CADM2: variants seen among roughly 807,000 people sequenced by gnomAD.
CADM2 encodes immunoglobulin superfamily member 4D.
A neutral mutation model predicts 49.8 loss-of-function variants in CADM2; 12 were observed. That is an observed-to-expected ratio of 0.24 (90% CI 0.15 to 0.39). The LOEUF (loss-of-function observed/expected upper bound fraction) is 0.39, where lower values mean the gene tolerates loss of function less well. Among genes scored for constraint, CADM2 ranks in the 10% least tolerant of loss-of-function variants. The pLI, the probability that CADM2 is intolerant of heterozygous loss-of-function variation, is 1.00. For synonymous variants in CADM2, 214 were observed against 175.4 expected (o/e 1.22, Z -1.74); for missense variants, 378 against 492.3 (o/e 0.77, Z 2.20).
chr3:85,872,007 A>C (rs2108355968), intron 3 of CADM2, among the ~76,000 whole-genome samples: 1 of 152,310 alleles, frequency 6.6e-6, no homozygotes, highest in South Asian at 2.1e-4. Context: ...CTGCATTGGA[A>C]GACTATTTTA....
At chr3:85,366,323 G>A (rs1008069322) in intron 1 of CADM2, among the ~76,000 whole-genome samples, 2 of 152,114 alleles carry the variant, frequency 1.3e-5, no homozygotes, top group African/African-American at 4.8e-5. Flanking sequence ...TAAATCTCTG[G>A]CCCATTACAC....
At chr3:85,224,892 T>C (rs1364412271) in intron 1 of CADM2, among the ~76,000 whole-genome samples, 2 of 152,132 alleles carry the variant, frequency 1.3e-5, no homozygotes, top group African/African-American at 4.8e-5. Context: ...GTCAGGTTTG[T>C]CAAAGATCAG....
intron 8 of CADM2, among the ~76,000 whole-genome samples, chr3:86,047,506 G>A (rs1314215529): frequency 3.3e-5 from 5 of 152,276 alleles, no homozygotes; most frequent in South Asian, 2.1e-4. Context: ...ATTTAGTCAT[G>A]ACCCTCTGGG....
intron 1 of CADM2, among the ~76,000 whole-genome samples, chr3:85,368,200 A>T (rs949543823): frequency 2.0e-5 from 3 of 152,038 alleles, no homozygotes; most frequent in African/African-American, 7.2e-5. Flanking sequence ...GCTCTGGATG[A>T]TACATCACTA....
intron 2 of CADM2, 102 bp from the exon 3 acceptor site, chr3:85,801,945 T>C (rs1327833068): frequency 4.1e-6 from 4 of 971,486 alleles, no homozygotes; most frequent in Non-Finnish European, 5.9e-6. Context: ...TTGGTTGTTT[T>C]AAATTTTATT....
At chr3:85,518,137 C>T (rs540161534) in intron 1 of CADM2, among the ~76,000 whole-genome samples, 226 of 152,156 alleles carry the variant, frequency 1.5e-3, no homozygotes, top group African/African-American at 4.4e-3. Context: ...ACTACAGGTG[C>T]GCACCACCAT....
Position 84,982,737 on chromosome 3 carries a change from A to ATATATATATATG in CADM2, c.61+23070_61+23071insATATATATATGT, listed in dbSNP as rs1553663805. Among the ~76,000 whole-genome samples, 21 of 115,362 alleles carry ATATATATATATG rather than the reference A, an allele frequency of 1.8e-4. 1 individual carries two copies. The highest frequency in any genetic ancestry group is 2.1e-4 in the African/African-American group (6 of 28,508). 75.7% of individuals were successfully genotyped at this position (115,362 alleles called of 152,430 possible). ...TATATATATATATATATATATATAC[A>ATATATATATATG]TTTTTTGTTTTTTTAATTTTTTTTT... On this transcript the variant is annotated intron_variant, in intron 1 of 9. Transcript: ENST00000383699.
At chr3:85,308,467 T>C (rs2044269119) in intron 1 of CADM2, among the ~76,000 whole-genome samples, 1 of 151,936 alleles carries the variant, frequency 6.6e-6, no homozygotes, top group South Asian at 2.1e-4. Context: ...CAGAGAGAGT[T>C]AAGGCACAAC....
At chr3:85,890,944 A>C (rs145524800) in intron 5 of CADM2, among the ~76,000 whole-genome samples, 7 of 152,330 alleles carry the variant, frequency 4.6e-5, no homozygotes, top group African/African-American at 1.7e-4. Context: ...ACAGAGAGGC[A>C]GGGTTCAGTT....
chr3:86,004,717 T>G (rs1021900688), intron 8 of CADM2, among the ~76,000 whole-genome samples: 1 of 152,250 alleles, frequency 6.6e-6, no homozygotes, highest in African/African-American at 2.4e-5. Context: ...CTTTTCTTCC[T>G]GATTCCATTT....
chr3:85,876,275 T>G (rs888011509), intron 3 of CADM2, among the ~76,000 whole-genome samples: 24 of 152,158 alleles, frequency 1.6e-4, no homozygotes, highest in African/African-American at 5.5e-4. Context: ...TAAAATATAA[T>G]GAATTATAAT....
chr3:85,303,012 T>C (rs1415541187), intron 1 of CADM2, among the ~76,000 whole-genome samples: 2 of 151,938 alleles, frequency 1.3e-5, no homozygotes, highest in Non-Finnish European at 2.9e-5. Flanking sequence ...TTTTTAAAAA[T>C]GCTCTTTCAT....
intron 1 of CADM2, among the ~76,000 whole-genome samples, chr3:85,378,163 G>C (rs1025565676): frequency 6.6e-6 from 1 of 151,826 alleles, no homozygotes; most frequent in Non-Finnish European, 1.5e-5. Flanking sequence ...AATTTGAATG[G>C]TTTTCTTTTG....
chr3:85,762,326 G>GTTTGTTTGTTCA (rs1174562195), intron 2 of CADM2, among the ~76,000 whole-genome samples: 2 of 151,746 alleles, frequency 1.3e-5, no homozygotes, highest in East Asian at 3.9e-4. Flanking sequence ...CTCCCAGTTT[G>GTTTGTTTGTTCA]TTTGTTTGTT....
chr3:85,845,286 C>G (rs2074831197), intron 3 of CADM2, among the ~76,000 whole-genome samples: 2 of 152,132 alleles, frequency 1.3e-5, no homozygotes, highest in Admixed American at 1.3e-4. Flanking sequence ...TAGCCCGGGC[C>G]AGTCACAAGA....
chr3:85,030,042 C>A (rs2034909188), intron 1 of CADM2, among the ~76,000 whole-genome samples: 1 of 152,142 alleles, frequency 6.6e-6, no homozygotes, highest in South Asian at 2.1e-4. Flanking sequence ...TTTCTCACTT[C>A]CTCTGCTCCA....
chr3:85,080,885 T>C (rs925760284), intron 1 of CADM2, among the ~76,000 whole-genome samples: 4 of 152,064 alleles, frequency 2.6e-5, no homozygotes, highest in Non-Finnish European at 4.4e-5. Context: ...ACATTCACCT[T>C]CTTATACTAA....
intron 1 of CADM2, among the ~76,000 whole-genome samples, chr3:85,086,575 G>A (rs2037386578): frequency 6.9e-6 from 1 of 145,222 alleles, no homozygotes; most frequent in Admixed American, 7.1e-5. Flanking sequence ...GCGGTGGTGT[G>A]ATCTTGGCTC....
At chr3:85,205,019 T>A (rs1157722395) in intron 1 of CADM2, among the ~76,000 whole-genome samples, 1 of 119,246 alleles carries the variant, frequency 8.4e-6, no homozygotes, top group Non-Finnish European at 1.7e-5. Context: ...CTTTACTTAA[T>A]TTTTTTTTTT....
Sources: allele counts gnomAD v4.1 joint callset (sites outside exome capture counted in the v4.1 genomes callset), GRCh38; gene constraint gnomAD v4.1.1; transcripts MANE v1.5; gene names NCBI Gene and HGNC (gene_info 2026-07-23, HGNC 2026-07-21).